WDR70: variants seen among roughly 807,000 people sequenced by gnomAD.
WDR70 encodes the protein WD repeat-containing protein 70.
Under a neutral mutation model 88.6 loss-of-function variants are expected in WDR70, and 53 were observed. That is an observed-to-expected ratio of 0.60 (90% confidence interval 0.48 to 0.75). The LOEUF is 0.75. Ranked by LOEUF, WDR70 falls within the 30% of genes least tolerant of loss-of-function variation. The probability of loss-of-function intolerance (pLI) is 0.00; values close to 1 mark genes in which losing one functional copy is unlikely to be tolerated. For synonymous variants in WDR70, 280 were observed against 270.0 expected (o/e 1.04, Z -0.36); for missense variants, 610 against 823.2 (o/e 0.74, Z 3.17).
Position 37,642,933 on chromosome 5 carries a change from G to A in WDR70, c.1092+37695G>A, listed in dbSNP as rs181443291. On this transcript the variant is annotated intron_variant, in intron 10 of 17. Transcript: ENST00000265107. ...GTTTGCAAATATTTTCTCCCATTCT[G>A]TGGGTTGTCTCTTCACTTTGTTGAT... is the stretch of plus-strand genomic sequence containing the variant. Among the ~76,000 whole-genome samples the A allele has an allele frequency of 2.3e-3, 345 of 152,196 alleles. 1 individual carries two copies. Among genetic ancestry groups the A allele is most frequent in the African/African-American group, 8.1e-3 (336 of 41,552 alleles).
intron 13 of WDR70, among the ~76,000 whole-genome samples, chr5:37,718,149 C>T (rs1747705631): frequency 6.6e-6 from 1 of 152,138 alleles, no homozygotes; most frequent in African/African-American, 2.4e-5. Context: ...ATATACTAAT[C>T]AGCTATATGT....
chr5:37,575,105 A>G (rs561766472), intron 9 of WDR70, among the ~76,000 whole-genome samples: 3 of 152,202 alleles, frequency 2.0e-5, no homozygotes, highest in Non-Finnish European at 4.4e-5. Context: ...CCAGAACACT[A>G]TCTGGTACAG....
chr5:37,555,936 C>A (rs1742283696), intron 9 of WDR70, among the ~76,000 whole-genome samples: 1 of 152,102 alleles, frequency 6.6e-6, no homozygotes, highest in Non-Finnish European at 1.5e-5. Context: ...CCAGGCTGGT[C>A]TCCAACTCCT....
chr5:37,752,301 C>T (rs1419251819), intron 17 of WDR70, among the ~76,000 whole-genome samples, 185 bp from the exon 18 acceptor site: 1 of 152,152 alleles, frequency 6.6e-6, no homozygotes, highest in Non-Finnish European at 1.5e-5. Flanking sequence ...ATCTTTTGCT[C>T]TTTTCCTGAA....
At chr5:37,561,436 C>T (rs1742501122) in intron 9 of WDR70, among the ~76,000 whole-genome samples, 1 of 152,202 alleles carries the variant, frequency 6.6e-6, no homozygotes, top group Admixed American at 6.5e-5. Flanking sequence ...TATGCTAAAA[C>T]AGCTGTTTAA....
At position 37,428,007 on chromosome 5, in the gene WDR70, C is replaced by CTT. The variant is rs34888958; in HGVS notation, c.493-9902_493-9901dup. Among the ~76,000 whole-genome samples the CTT allele has an allele frequency of 3.6e-4, 52 of 144,254 alleles. 1 individual carries two copies. Among genetic ancestry groups the CTT allele is most frequent in the Non-Finnish European group, 4.3e-4 (28 of 65,732 alleles). The allele number at this position is 144,254 out of a possible 152,430, so 94.6% of individuals were successfully genotyped here. On this transcript the variant is annotated intron_variant, in intron 5 of 17. Coordinates refer to ENST00000265107, the MANE Select transcript of WDR70 (RefSeq NM_018034.4). ...AATTAATGGGAAGAGATGTATCCTC[C>CTT]TTTTTTTTTTTTTTCCCTGCTGTCT...
Position 37,722,903 on chromosome 5 carries a change from T to C in WDR70, c.1566T>C (p.Ala522=), listed in dbSNP as rs1167982991. The C allele has an allele frequency of 3.7e-6, 6 of 1,613,616 alleles. No homozygotes were observed. The South Asian group carries it at 6.6e-5, about 18-fold the overall frequency. Residue 522 remains alanine (A), a synonymous_variant, in exon 15 of 18, where the codon GCT becomes GCC. Transcript: ENST00000265107. ...AAACCCAGCGGAAGGCAAAACAAGC[T>C]GAGACTCTAACTCAGGACTACATCA... ...VVKTQRKAKQ[A]ETLTQDYIIT... is the part of the protein sequence containing the mutation.
chr5:37,392,148 T>G (rs2111886348), intron 4 of WDR70, 28 bp downstream of exon 4: 3 of 1,591,824 alleles, frequency 1.9e-6, no homozygotes, highest in South Asian at 2.3e-5. Context: ...AGACTTCTAT[T>G]AAACTATCAG....
intron 16 of WDR70, among the ~76,000 whole-genome samples, chr5:37,726,301 T>C (rs1747968939): frequency 6.6e-6 from 1 of 152,160 alleles, no homozygotes; most frequent in African/African-American, 2.4e-5. Context: ...TATTTTATCT[T>C]CCTAAGAAGT....
intron 8 of WDR70, among the ~76,000 whole-genome samples, chr5:37,515,778 G>A (rs550271952): frequency 1.2e-4 from 19 of 152,242 alleles, no homozygotes; most frequent in Non-Finnish European, 2.4e-4. Context: ...TCTATCCCAC[G>A]TAAATCTGAC....
At chr5:37,385,071 T>C in intron 3 of WDR70, among the ~76,000 whole-genome samples, 1 of 152,274 alleles carries the variant, frequency 6.6e-6, no homozygotes, top group South Asian at 2.1e-4. Context: ...ATAAAGAATA[T>C]TATAAATGAT....
At chr5:37,503,460 C>A (rs1356213385) in intron 8 of WDR70, among the ~76,000 whole-genome samples, 4 of 152,152 alleles carry the variant, frequency 2.6e-5, no homozygotes, top group Admixed American at 2.6e-4. Flanking sequence ...TGTTCTTCCC[C>A]TCTATGTCTC....
At chr5:37,401,497 A>G (rs1318686405) in intron 5 of WDR70, among the ~76,000 whole-genome samples, 1 of 151,276 alleles carries the variant, frequency 6.6e-6, no homozygotes. Context: ...TTGTATTTTT[A>G]GTAGAGACGG....
intron 13 of WDR70, among the ~76,000 whole-genome samples, chr5:37,715,368 A>G (rs183414972): frequency 1.4e-3 from 208 of 151,358 alleles, no homozygotes; most frequent in Non-Finnish European, 2.2e-3. Flanking sequence ...GACAGTTGCC[A>G]CAAGTCTGGC....
chr5:37,748,822 A>G (rs1026878870), intron 17 of WDR70, among the ~76,000 whole-genome samples: 20 of 152,240 alleles, frequency 1.3e-4, no homozygotes, highest in Non-Finnish European at 2.1e-4. Context: ...ACTTCTAAAA[A>G]GAAGTCGTTT....
intron 10 of WDR70, among the ~76,000 whole-genome samples, chr5:37,626,389 C>T (rs960995765): frequency 6.6e-6 from 1 of 152,152 alleles, no homozygotes; most frequent in African/African-American, 2.4e-5. Flanking sequence ...TTTCATCCTT[C>T]TTTCTGTTGA....
chr5:37,546,603 C>T (rs1253763283), intron 9 of WDR70, among the ~76,000 whole-genome samples: 1 of 152,032 alleles, frequency 6.6e-6, no homozygotes, highest in South Asian at 2.1e-4. Context: ...AGTGTTAAGT[C>T]AATTTGATTT....
At chr5:37,677,993 C>T (rs1000553072) in intron 10 of WDR70, among the ~76,000 whole-genome samples, 1 of 152,182 alleles carries the variant, frequency 6.6e-6, no homozygotes, top group African/African-American at 2.4e-5. Flanking sequence ...TAATGGCCTT[C>T]TTTGTCTCTT....
intron 16 of WDR70, 53 bp downstream of exon 16, chr5:37,725,103 G>T: frequency 4.0e-6 from 6 of 1,495,186 alleles, no homozygotes; most frequent in Non-Finnish European, 4.6e-6. Context: ...GCAGGGTGGG[G>T]TAATTGATAT....
Sources: gnomAD v4.1 joint callset for allele counts (sites outside exome capture counted in the v4.1 genomes callset) on GRCh38, gnomAD v4.1.1 for gene constraint, MANE v1.5 for transcripts, NCBI Gene and HGNC (gene_info 2026-07-23, HGNC 2026-07-21) for gene names.